NOTCH1: variants seen among roughly 807,000 people sequenced by gnomAD.
NOTCH1 encodes the protein neurogenic locus notch homolog protein 1.
A neutral mutation model predicts 254.8 loss-of-function variants in NOTCH1; 37 were observed. The ratio of observed to expected loss-of-function variants is 0.15; its 90% CI spans 0.11 to 0.19. The LOEUF (loss-of-function observed/expected upper bound fraction) is 0.19. NOTCH1 is among the 10% of genes least tolerant of loss of function. The probability of loss-of-function intolerance (pLI) is 1.00; values close to 1 mark genes in which losing one functional copy is unlikely to be tolerated. For missense variants in NOTCH1, 2,972 were observed against 3,708.6 expected (o/e 0.80, Z 5.16); for synonymous variants, 1,731 against 1,618.1 (o/e 1.07, Z -1.68).
chr9:136,531,547 A>T (rs558268449), intron 2 of NOTCH1, among the ~76,000 whole-genome samples: 2 of 152,276 alleles, frequency 1.3e-5, no homozygotes, highest in South Asian at 4.1e-4. Context: ...AGCTCCACCG[A>T]AACACAAAAC....
intron 21 of NOTCH1, 121 bp downstream of exon 21, chr9:136,507,834 G>T: frequency 9.4e-7 from 1 of 1,063,230 alleles, no homozygotes; most frequent in Non-Finnish European, 1.4e-6. Flanking sequence ...CCCCTAATGA[G>T]ACTGAACAGT....
chr9:136,512,966 C>CG, intron 15 of NOTCH1, 55 bp downstream of exon 15: 2 of 689,232 alleles, frequency 2.9e-6, no homozygotes, highest in South Asian at 1.5e-5. Context: ...GCACAGGTCC[C>CG]GCCCCTCCCA....
At chr9:136,501,171 ACG>A (rs1842989219) in intron 30 of NOTCH1, among the ~76,000 whole-genome samples, 1 of 152,240 alleles carries the variant, frequency 6.6e-6, no homozygotes, top group African/African-American at 2.4e-5. Flanking sequence ...GCGGAGGCTC[ACG>A]CTGTCATCCT....
intron 4 of NOTCH1, among the ~76,000 whole-genome samples, chr9:136,520,747 AAT>A (rs1486895697): frequency 2.8e-5 from 4 of 143,342 alleles, no homozygotes; most frequent in African/African-American, 1.1e-4. Context: ...AAAAAAAAAA[AAT>A]TCAGAGCCTG....
intron 31 of NOTCH1, 41 bp from the exon 32 acceptor site, chr9:136,499,300 G>A (rs773047592): frequency 1.3e-5 from 21 of 1,606,820 alleles, no homozygotes; most frequent in Middle Eastern, 1.7e-4. Flanking sequence ...CTGGGCAGAC[G>A]TACACCGATG....
chr9:136,512,704 G>A (rs1212160689), intron 15 of NOTCH1, among the ~76,000 whole-genome samples: 1 of 152,212 alleles, frequency 6.6e-6, no homozygotes, highest in African/African-American at 2.4e-5. Flanking sequence ...TGTGTCTTGC[G>A]GCAGGCTTGC....
rs1218640363 is a variant in NOTCH1, at chr9:136,515,998, G to A, written c.1652C>T (p.Thr551Ile). Residue 551 changes from threonine (T) to isoleucine (I), a missense_variant, in exon 10 of 34, where the codon ACC becomes ATC. Around this residue, in one of 8 missense-constraint regions of NOTCH1, gnomAD observed 128 missense variants for 193.8 expected, o/e 0.66. Coordinates refer to ENST00000651671, the MANE Select transcript of NOTCH1 (RefSeq NM_017617.5). ...AKCLDGPNTY[T>I]CVCTEGYTGT... is the part of the protein sequence containing the mutation. Reference sequence around the variant, plus strand: ...GCCCGCACCTTCCGTGCACACACAGGTGTAAGTGTTGGGTCCGTCCAGGCA... The same window carrying A: ...GCCCGCACCTTCCGTGCACACACAGATGTAAGTGTTGGGTCCGTCCAGGCA... 4 of 1,611,146 alleles carry A rather than the reference G, an allele frequency of 2.5e-6. No homozygotes were observed. In the African/African-American group the frequency reaches 5.3e-5, roughly 22 times the overall value.
intron 4 of NOTCH1, among the ~76,000 whole-genome samples, chr9:136,522,466 G>A (rs1204997719): frequency 6.6e-6 from 1 of 152,222 alleles, no homozygotes; most frequent in Non-Finnish European, 1.5e-5. Context: ...GAAGGGCCAT[G>A]GCTTGGGAAG....
chr9:136,509,586 C>A, intron 18 of NOTCH1, 147 bp downstream of exon 18: 3 of 744,492 alleles, frequency 4.0e-6, no homozygotes, highest in Non-Finnish European at 4.7e-6. Flanking sequence ...CAGGTCGGTA[C>A]AATGAACAAT....
chr9:136,517,202 C>G, intron 9 of NOTCH1, 70 bp downstream of exon 9: 1 of 990,414 alleles, frequency 1.0e-6, no homozygotes, highest in Non-Finnish European at 1.5e-6. Context: ...GGACACAACC[C>G]ACGCCCAGGC....
At position 136,523,121 on chromosome 9, in the gene NOTCH1, G is replaced by C. The variant is rs761353838; in HGVS notation, c.471C>G (p.Pro157=). The change falls in exon 4 of 34, where the codon CCC becomes CCG. Residue 157 remains proline (P), a synonymous_variant. Coordinates refer to ENST00000651671, the MANE Select transcript of NOTCH1 (RefSeq NM_017617.5). ...NPCANGGQCL[P]FEASYICHCP... ...AGTGGCAGATGTAGGAGGCCTCGAA[G>C]GGCAGGCACTGGCCACCGTTGGCGC... 6.2e-7 allele frequency: 1 copy of C among 1,604,234 alleles called. No individual in the cohort carries two copies. Among genetic ancestry groups the C allele is most frequent in the Non-Finnish European group, 8.5e-7 (1 of 1,176,398 alleles).
chr9:136,495,619 G>T lies in NOTCH1; in HGVS notation c.*452C>A. The T allele has an allele frequency of 2.5e-6, 1 of 400,540 alleles. No individual in the cohort carries two copies. Among genetic ancestry groups the T allele is most frequent in the Non-Finnish European group, 4.4e-6 (1 of 227,276 alleles). The allele number at this position is 400,540 out of a possible 1,614,324, so 24.8% of individuals were successfully genotyped here. On this transcript the variant is annotated 3_prime_UTR_variant, in exon 34 of 34. Transcript: ENST00000651671. ...TGGGGTTGGGTGGGCGTCGGGGAAAGGGCGCGGCCTGGACGCCCCAGGAGC... is the reference window on the plus strand; with the variant it reads ...TGGGGTTGGGTGGGCGTCGGGGAAATGGCGCGGCCTGGACGCCCCAGGAGC...
Position 136,497,086 on chromosome 9 carries a change from A to G in NOTCH1, c.6653T>C (p.Leu2218Pro). The stretch of plus-strand genomic sequence containing the variant: ...AGACTGCTGGAACGGGGAGGGCAGC[A>G]GTGGCGGCGAGGCCACGTCTGACAG... ...GYLSDVASPP[L>P]LPSPFQQSPS... The change falls in exon 34 of 34, where the codon CTG becomes CCG. Residue 2218 changes from leucine to proline, a missense_variant. Leu to Pro is a moderately conservative substitution (Grantham distance 98). Around this residue, in one of 8 missense-constraint regions of NOTCH1, gnomAD observed 529 missense variants for 529.2 expected, o/e 1.00. Coordinates refer to ENST00000651671, the MANE Select transcript of NOTCH1 (RefSeq NM_017617.5). 1.2e-6 allele frequency: 2 copies of G among 1,609,658 alleles called. No homozygotes were observed. Among genetic ancestry groups the G allele is most frequent in the Non-Finnish European group, 1.7e-6 (2 of 1,178,028 alleles).
intron 33 of NOTCH1, among the ~76,000 whole-genome samples, chr9:136,497,847 G>A (rs367711019): frequency 7.2e-5 from 11 of 152,210 alleles, no homozygotes; most frequent in Non-Finnish European, 1.6e-4. Context: ...AGACCCCACT[G>A]AAAATCTAAC....
In NOTCH1 at chr9:136,501,902, G is replaced by A. The variant is rs1381340038; in HGVS notation, c.5484C>T (p.Pro1828=). 7 of 1,611,588 alleles carry A rather than the reference G, an allele frequency of 4.3e-6. No individual in the cohort carries two copies. The Admixed American group carries it at 5.0e-5, about 12-fold the overall frequency. ...LETKKFRFEE[P]VVLPDLDDQT... is the part of the protein sequence containing the mutation. ...GGTCGTCCAGGTCAGGCAGAACCACGGGCTCCTCGAACTACATAGAGGGAG... is the reference window on the plus strand; with the variant it reads ...GGTCGTCCAGGTCAGGCAGAACCACAGGCTCCTCGAACTACATAGAGGGAG... The change falls in exon 30 of 34, where the codon CCC becomes CCT. Residue 1828 remains proline (P), a synonymous_variant. Coordinates refer to ENST00000651671, the MANE Select transcript of NOTCH1 (RefSeq NM_017617.5).
At chr9:136,507,484 G>C (rs759734314) in intron 21 of NOTCH1, 47 bp from the exon 22 acceptor site, 2 of 1,565,008 alleles carry the variant, frequency 1.3e-6, no homozygotes, top group Non-Finnish European at 1.7e-6. Context: ...GCCGGCGCCA[G>C]GATGCAGTGC....
At chr9:136,523,340 C>T (rs1843406103) in intron 3 of NOTCH1, 152 bp from the exon 4 acceptor site, 1 of 861,382 alleles carries the variant, frequency 1.2e-6, no homozygotes, top group Non-Finnish European at 1.9e-6. Context: ...GACCGGTCGC[C>T]TTTGGCAGAT....
At chr9:136,509,110 A>G (rs1269435904) in intron 18 of NOTCH1, 39 bp from the exon 19 acceptor site, 1 of 1,519,018 alleles carries the variant, frequency 6.6e-7, no homozygotes, top group Non-Finnish European at 8.9e-7. Context: ...AGTGGAGGGC[A>G]TTGGTGGGTC....
chr9:136,511,096 C>T (rs1843174334), intron 16 of NOTCH1, 56 bp downstream of exon 16: 2 of 1,611,978 alleles, frequency 1.2e-6, no homozygotes, highest in Non-Finnish European at 1.7e-6. Flanking sequence ...CTGCCTGTGT[C>T]CCGCAGACAT....
Sources: gnomAD v4.1 joint callset for allele counts (sites outside exome capture counted in the v4.1 genomes callset) on GRCh38, gnomAD v4.1.1 for gene constraint, gnomAD v4.1.1 regional missense constraint, MANE v1.5 for transcripts, NCBI Gene and HGNC (gene_info 2026-07-23, HGNC 2026-07-21) for gene names.